The following SPATA13 variants were observed in gnomAD, a reference collection of about 807,000 sequenced individuals.
SPATA13 encodes the protein spermatogenesis-associated protein 13.
Under a neutral mutation model 104.0 loss-of-function variants are expected in SPATA13, and 50 were observed. The observed-to-expected ratio is 0.48, with a 90% CI of 0.38 to 0.61. The LOEUF (loss-of-function observed/expected upper bound fraction) is 0.61, where lower values mean the gene tolerates loss of function less well. SPATA13 is among the 20% of genes least tolerant of loss of function. The pLI, the probability that SPATA13 is intolerant of heterozygous loss-of-function variation, is 0.00. For missense variants in SPATA13, 1,524 were observed against 1,690.6 expected, an observed-to-expected ratio of 0.90 and a Z score of 1.73; for synonymous variants, 606 against 667.5, an observed-to-expected ratio of 0.91 and a Z score of 1.42.
chr13:24,289,054 C>T lies in SPATA13; in HGVS notation c.2723C>T (p.Ala908Val). ...GGAATGTTCACCGTTGCGCAGCTAGCCACTATTTTTGGAAACATTGAAGAT... is the reference window on the plus strand; with the variant it reads ...GGAATGTTCACCGTTGCGCAGCTAGTCACTATTTTTGGAAACATTGAAGAT... ...HTGMFTVAQL[A>V]TIFGNIEDIY... The change falls in exon 8 of 13, where the codon GCC becomes GTC. Residue 908 changes from alanine to valine, a missense_variant. Transcript: ENST00000382108. 6.2e-7 allele frequency: 1 copy of T among 1,613,956 alleles called. No homozygotes were observed. Among genetic ancestry groups the T allele is most frequent in the Middle Eastern group, 1.6e-4 (1 of 6,062 alleles).
At chr13:24,079,884 T>C (rs1395032957) in intron 3 of SPATA13, among the ~76,000 whole-genome samples, 1 of 152,154 alleles carries the variant, frequency 6.6e-6, no homozygotes, top group Non-Finnish European at 1.5e-5. Context: ...TCATACACTG[T>C]CTACAGTAAG....
At chr13:24,064,803 T>G (rs1878892948) in intron 3 of SPATA13, among the ~76,000 whole-genome samples, 1 of 152,214 alleles carries the variant, frequency 6.6e-6, no homozygotes, top group African/African-American at 2.4e-5. Flanking sequence ...GAGCATGTCA[T>G]GTACCCCCAG....
intron 3 of SPATA13, among the ~76,000 whole-genome samples, chr13:24,150,901 T>TTAGATGTGTTTGCTGTC (rs1882081579): frequency 6.6e-6 from 1 of 152,132 alleles, no homozygotes; most frequent in Admixed American, 6.6e-5. Flanking sequence ...AGACTGCTGT[T>TTAGATGTGTTTGCTGTC]TAGATGTGTT....
intron 4 of SPATA13, among the ~76,000 whole-genome samples, chr13:24,274,776 A>C (rs955904294): frequency 6.6e-6 from 1 of 152,134 alleles, no homozygotes; most frequent in Non-Finnish European, 1.5e-5. Context: ...AGGGTGGGGG[A>C]ATTTCCCTGA....
At chr13:24,073,287 A>G (rs1879228572) in intron 3 of SPATA13, among the ~76,000 whole-genome samples, 2 of 152,220 alleles carry the variant, frequency 1.3e-5, no homozygotes, top group South Asian at 4.1e-4. Flanking sequence ...CCAAGATAGA[A>G]CTGAGAAAAC....
rs569797777 is a variant in SPATA13 at position 24,106,215 on chromosome 13, G to A, written c.-112+88514G>A. ...TGCCTGGCTGACTTTTTACTGTTTT[G>A]TACAGACAGGGCTTCTCTGTGTTGC... On this transcript the variant is annotated intron_variant, in intron 3 of 14. Coordinates refer to the SPATA13 transcript ENST00000424834. Among the ~76,000 whole-genome samples the A allele has an allele frequency of 4.6e-5, 7 of 152,132 alleles. No homozygotes were observed. In the South Asian group the frequency reaches 1.2e-3, roughly 27 times the overall value.
intron 3 of SPATA13, among the ~76,000 whole-genome samples, chr13:24,086,418 C>T (rs747787078): frequency 2.7e-4 from 41 of 151,890 alleles, no homozygotes; most frequent in Non-Finnish European, 4.4e-4. Flanking sequence ...CAGCTGCGGT[C>T]GAAGAAGACA....
At chr13:24,061,527 A>T (rs1878771947) in intron 3 of SPATA13, among the ~76,000 whole-genome samples, 1 of 152,246 alleles carries the variant, frequency 6.6e-6, no homozygotes, top group Non-Finnish European at 1.5e-5. Flanking sequence ...ACCATGGAAT[A>T]CTATGCAGCC....
intron 4 of SPATA13, among the ~76,000 whole-genome samples, chr13:24,275,446 G>A (rs1874906478): frequency 6.6e-6 from 1 of 152,244 alleles, no homozygotes; most frequent in Admixed American, 6.5e-5. Context: ...CCCAGTCAGA[G>A]AGGCGCTGAT....
At chr13:24,108,262 AT>A (rs1880519559) in intron 3 of SPATA13, among the ~76,000 whole-genome samples, 1 of 152,214 alleles carries the variant, frequency 6.6e-6, no homozygotes, top group South Asian at 2.1e-4. Context: ...TGTTGATTAC[AT>A]TTCAACACGT....
chr13:23,990,810 G>T (rs1875377518), intron 2 of SPATA13, among the ~76,000 whole-genome samples: 2 of 152,208 alleles, frequency 1.3e-5, no homozygotes, highest in African/African-American at 4.8e-5. Context: ...TTGACAGATG[G>T]CTGGAGAACT....
At chr13:24,073,449 A>G (rs1436486482) in intron 3 of SPATA13, among the ~76,000 whole-genome samples, 1 of 152,216 alleles carries the variant, frequency 6.6e-6, no homozygotes, top group Admixed American at 6.5e-5. Context: ...TAGAAATTTG[A>G]AGGAGGAAGT....
chr13:24,296,967 C>T (rs1317219462), intron 10 of SPATA13, among the ~76,000 whole-genome samples: 1 of 152,164 alleles, frequency 6.6e-6, no homozygotes, highest in Non-Finnish European at 1.5e-5. Flanking sequence ...TTAGGAGTCT[C>T]TTCCATATCC....
chr13:24,251,076 G>T (rs188794461), intron 3 of SPATA13, among the ~76,000 whole-genome samples: 1 of 152,324 alleles, frequency 6.6e-6, no homozygotes, highest in Admixed American at 6.5e-5. Context: ...TTGATTAATA[G>T]TTTTAGGGAT....
rs150125126 is a variant in SPATA13 at position 24,144,416 on chromosome 13, C to T, written c.-111-78403C>T. 3.9e-3 allele frequency among the ~76,000 whole-genome samples: 597 copies of T among 152,300 alleles called. 4 individuals are homozygous for T. The highest frequency in any genetic ancestry group is 7.3e-3 in the Non-Finnish European group (494 of 68,028). On this transcript the variant is annotated intron_variant, in intron 3 of 14. Coordinates refer to the SPATA13 transcript ENST00000424834. ...AGATGAGCGAATGAAACTAACATCA[C>T]TCAGCACCTTCTGTGTTCCAGGAAC...
intron 3 of SPATA13, among the ~76,000 whole-genome samples, chr13:24,133,946 A>G (rs1881470873): frequency 1.3e-5 from 2 of 152,190 alleles, no homozygotes; most frequent in South Asian, 2.1e-4. Flanking sequence ...GCAACGCTTC[A>G]TGTATCCTGT....
chr13:24,036,900 C>T (rs1374505438), intron 3 of SPATA13, among the ~76,000 whole-genome samples: 1 of 151,472 alleles, frequency 6.6e-6, no homozygotes, highest in Admixed American at 6.6e-5. Flanking sequence ...CTCAGCCTCC[C>T]GAGTAGCTGA....
rs916361816 is a variant in SPATA13 at position 23,999,787 on chromosome 13, T to A, written c.-147+15854T>A. 1.3e-5 allele frequency among the ~76,000 whole-genome samples: 2 copies of A among 152,242 alleles called. 1 individual carries two copies. Among genetic ancestry groups the A allele is most frequent in the Non-Finnish European group, 2.9e-5 (2 of 68,038 alleles). On this transcript the variant is annotated intron_variant, in intron 2 of 14. Coordinates refer to the SPATA13 transcript ENST00000424834. ...TTTTCAGTGAGAGGGTAAATATGGTTCCTATTACTTCATTTTTTTAAGAAT... is the reference window on the plus strand; with the variant it reads ...TTTTCAGTGAGAGGGTAAATATGGTACCTATTACTTCATTTTTTTAAGAAT...
chr13:24,048,014 G>A (rs1352510848), intron 3 of SPATA13, among the ~76,000 whole-genome samples: 1 of 152,166 alleles, frequency 6.6e-6, no homozygotes, highest in African/African-American at 2.4e-5. Flanking sequence ...TTTTGCCAAG[G>A]TCACTCTCCC....
Sources: allele counts gnomAD v4.1 joint callset (sites outside exome capture counted in the v4.1 genomes callset), GRCh38; gene constraint gnomAD v4.1.1; transcripts MANE v1.5; gene names NCBI Gene and HGNC (gene_info 2026-07-23, HGNC 2026-07-21).